The following TADA2A variants were observed in gnomAD, a reference collection of about 807,000 sequenced individuals.
TADA2A encodes transcriptional adaptor 2A.
TADA2A carries 38 observed loss-of-function variants against 67.4 expected under a neutral mutation model. That is an observed-to-expected ratio of 0.56 (90% CI 0.44 to 0.74). The LOEUF (loss-of-function observed/expected upper bound fraction) is 0.74, where lower values mean the gene tolerates loss of function less well. Ranked by LOEUF, TADA2A falls within the 30% of genes least tolerant of loss-of-function variation. The pLI, the probability that TADA2A is intolerant of heterozygous loss-of-function variation, is 0.00. For missense variants in TADA2A, 454 were observed against 547.0 expected, an observed-to-expected ratio of 0.83 and a Z score of 1.70; for synonymous variants, 192 against 181.6, an observed-to-expected ratio of 1.06 and a Z score of -0.46.
rs907075603 is a variant in TADA2A, at chr17:37,419,435, G to A, written c.26-4074G>A. On this transcript the variant is annotated intron_variant, in intron 2 of 15. Transcript: ENST00000615182. ...GTGATCCACCCACCTTGGTCTCCCA[G>A]AGTGCTGGAATTACGTGCATGAGCC... 1.4e-5 allele frequency among the ~76,000 whole-genome samples: 2 copies of A among 145,804 alleles called. 1 individual carries two copies. Among genetic ancestry groups the A allele is most frequent in the Admixed American group, 1.4e-4 (2 of 14,484 alleles).
intron 4 of TADA2A, among the ~76,000 whole-genome samples, chr17:37,428,889 A>C (rs1003571131): frequency 6.6e-5 from 10 of 151,932 alleles, no homozygotes; most frequent in Non-Finnish European, 1.5e-4. Flanking sequence ...TACTAAAAAC[A>C]CAAAAAATTA....
intron 14 of TADA2A, among the ~76,000 whole-genome samples, chr17:37,473,957 A>G (rs957383974): frequency 1.3e-5 from 2 of 152,236 alleles, no homozygotes; most frequent in African/African-American, 4.8e-5. Flanking sequence ...GGCAAGGATT[A>G]GGGAATGTCT....
At chr17:37,439,371 C>A (rs932798676) in intron 5 of TADA2A, among the ~76,000 whole-genome samples, 1 of 152,112 alleles carries the variant, frequency 6.6e-6, no homozygotes, top group Admixed American at 6.6e-5. Flanking sequence ...CAGCTTCAAC[C>A]TTCCAGGCTC....
chr17:37,420,130 A>G (rs2052186674), intron 2 of TADA2A, among the ~76,000 whole-genome samples: 1 of 146,674 alleles, frequency 6.8e-6, no homozygotes, highest in African/African-American at 2.5e-5. Flanking sequence ...GTAACTTGGT[A>G]GAAGTTGGCA....
At chr17:37,414,764 A>T (rs1224376341) in intron 2 of TADA2A, among the ~76,000 whole-genome samples, 1 of 152,122 alleles carries the variant, frequency 6.6e-6, no homozygotes, top group East Asian at 1.9e-4. Flanking sequence ...CATCAATATA[A>T]TTCCACTATC....
chr17:37,419,051 G>T (rs1020484969), intron 2 of TADA2A, among the ~76,000 whole-genome samples: 6 of 146,102 alleles, frequency 4.1e-5, no homozygotes, highest in African/African-American at 1.5e-4. Flanking sequence ...TTGAATATAT[G>T]TACTATATTA....
intron 1 of TADA2A, chr17:37,407,396 C>G (rs1001526007): frequency 1.3e-5 from 2 of 152,318 alleles, no homozygotes; most frequent in African/African-American, 4.8e-5. Flanking sequence ...CGGTCCCACC[C>G]CGTAAGGATT....
At chr17:37,433,941 A>G (rs865979662) in intron 4 of TADA2A, among the ~76,000 whole-genome samples, 31 of 151,532 alleles carry the variant, frequency 2.0e-4, no homozygotes, top group African/African-American at 7.6e-4. Flanking sequence ...GCTATGGAGC[A>G]AGACTTGGTC....
chr17:37,472,353 A>G (rs2053807016), intron 14 of TADA2A, among the ~76,000 whole-genome samples: 1 of 151,104 alleles, frequency 6.6e-6, no homozygotes, highest in Non-Finnish European at 1.5e-5. Flanking sequence ...GGCATGAGCC[A>G]CTGCGCCTGG....
intron 8 of TADA2A, among the ~76,000 whole-genome samples, chr17:37,452,815 C>T (rs959779406): frequency 1.3e-5 from 2 of 151,334 alleles, no homozygotes; most frequent in African/African-American, 2.4e-5. Flanking sequence ...TGCCTTAAAT[C>T]TTGGACCTGA....
rs779850889 is a variant in TADA2A at position 37,419,255 on chromosome 17, C to G, written c.26-4254C>G. Among the ~76,000 whole-genome samples the G allele has an allele frequency of 1.7e-4, 24 of 144,906 alleles. 2 individuals carry two copies. Among genetic ancestry groups the G allele is most frequent in the Non-Finnish European group, 3.1e-4 (20 of 65,088 alleles). ...GCATGCTCAAGGCTTACTGCAGACTCGATCTCAGCTCAAGTGATCCTCCTA... is the reference window on the plus strand; with the variant it reads ...GCATGCTCAAGGCTTACTGCAGACTGGATCTCAGCTCAAGTGATCCTCCTA... On this transcript the variant is annotated intron_variant, in intron 2 of 15. Transcript: ENST00000615182.
intron 8 of TADA2A, among the ~76,000 whole-genome samples, chr17:37,451,748 C>G (rs1425137638): frequency 2.0e-5 from 3 of 152,150 alleles, no homozygotes; most frequent in Non-Finnish European, 2.9e-5. Flanking sequence ...CTTTGGGAGG[C>G]CGAGACGGGC....
chr17:37,441,606 C>G lies in TADA2A; in HGVS notation c.442+944C>G, dbSNP rs2052918885. 4.0e-5 allele frequency among the ~76,000 whole-genome samples: 6 copies of G among 151,802 alleles called. No individual in the cohort carries two copies. The South Asian group carries it at 1.2e-3, about 32-fold the overall frequency. Reference sequence around the variant, plus strand: ...ATGAATGTTTTCACTTCCCTTTTCTCTTTCCTCATACTCTCTAGAAACAGT... The same window carrying G: ...ATGAATGTTTTCACTTCCCTTTTCTGTTTCCTCATACTCTCTAGAAACAGT... On this transcript the variant is annotated intron_variant, in intron 6 of 15. Coordinates refer to ENST00000615182, the MANE Select transcript of TADA2A (RefSeq NM_001166105.3).
At chr17:37,469,115 C>G (rs2053730261) in intron 12 of TADA2A, among the ~76,000 whole-genome samples, 1 of 149,420 alleles carries the variant, frequency 6.7e-6, no homozygotes, top group African/African-American at 2.5e-5. Flanking sequence ...CCATGTTGGT[C>G]AGGCTGATCT....
At chr17:37,417,576 C>T (rs940213830) in intron 2 of TADA2A, among the ~76,000 whole-genome samples, 3 of 151,796 alleles carry the variant, frequency 2.0e-5, no homozygotes, top group African/African-American at 7.3e-5. Context: ...GCTCTGTTGC[C>T]CATGCTAGAG....
At chr17:37,474,194 G>A (rs180985481) in intron 14 of TADA2A, among the ~76,000 whole-genome samples, 2 of 152,238 alleles carry the variant, frequency 1.3e-5, no homozygotes, top group East Asian at 1.9e-4. Flanking sequence ...AGCTATGATC[G>A]CAACACTGCA....
intron 11 of TADA2A, 34 bp downstream of exon 11, chr17:37,465,575 G>A (rs943977622): frequency 5.6e-6 from 9 of 1,613,170 alleles, no homozygotes; most frequent in Admixed American, 1.7e-5. Context: ...CAGTATTTGT[G>A]TGTGTATATT....
chr17:37,421,438 T>TATAAA (rs2052229449), intron 2 of TADA2A, among the ~76,000 whole-genome samples: 1 of 146,482 alleles, frequency 6.8e-6, no homozygotes, highest in Non-Finnish European at 1.5e-5. Flanking sequence ...CGAACTCAAA[T>TATAAA]ATAAAATAGT....
intron 1 of TADA2A, among the ~76,000 whole-genome samples, chr17:37,411,042 T>C (rs2051849722): frequency 6.6e-6 from 1 of 152,214 alleles, no homozygotes; most frequent in Non-Finnish European, 1.5e-5. Flanking sequence ...CATGCTACAT[T>C]ACTTATATGG....
Sources: gnomAD v4.1 joint callset for allele counts (sites outside exome capture counted in the v4.1 genomes callset) on GRCh38, gnomAD v4.1.1 for gene constraint, MANE v1.5 for transcripts, NCBI Gene and HGNC (gene_info 2026-07-23, HGNC 2026-07-21) for gene names.